Variants in ATXN1 observed in about 807,000 individuals in gnomAD.
ATXN1 encodes ataxin-1.
A neutral mutation model predicts 56.4 loss-of-function variants in ATXN1; 8 were observed. That is an observed-to-expected ratio of 0.14 (90% CI 0.08 to 0.26). ATXN1 has a LOEUF of 0.26. ATXN1 is among the 10% of genes least tolerant of loss of function. The pLI, the probability that ATXN1 is intolerant of heterozygous loss-of-function variation, is 1.00. For synonymous variants in ATXN1, 514 were observed against 494.6 expected, an observed-to-expected ratio of 1.04 and a Z score of -0.52; for missense variants, 987 against 1,106.5, an observed-to-expected ratio of 0.89 and a Z score of 1.53.
At chr6:16,740,994 C>T (rs1760321452) in intron 2 of ATXN1, among the ~76,000 whole-genome samples, 1 of 152,210 alleles carries the variant, frequency 6.6e-6, no homozygotes, top group Non-Finnish European at 1.5e-5. Context: ...TTTCATCCTA[C>T]AACTTCGGAA....
chr6:16,681,222 G>C (rs73367677), intron 2 of ATXN1, among the ~76,000 whole-genome samples: 11,172 of 152,256 alleles, frequency 0.073, 470 homozygotes, highest in Admixed American at 0.13. Flanking sequence ...GAGGACAAGG[G>C]AACAAGAATC....
At chr6:16,520,914 T>C (rs1292286264) in intron 5 of ATXN1, among the ~76,000 whole-genome samples, 6 of 152,160 alleles carry the variant, frequency 3.9e-5, no homozygotes, top group Non-Finnish European at 1.5e-5. Flanking sequence ...TGTATGTACA[T>C]AAGGAGATGA....
intron 2 of ATXN1, among the ~76,000 whole-genome samples, chr6:16,746,963 G>A (rs1760555186): frequency 6.6e-6 from 1 of 151,898 alleles, no homozygotes; most frequent in African/African-American, 2.4e-5. Context: ...GACCCAGCAA[G>A]GTACAGTGAG....
chr6:16,537,407 T>C (rs545570269), intron 4 of ATXN1, among the ~76,000 whole-genome samples: 1 of 151,870 alleles, frequency 6.6e-6, no homozygotes, highest in Admixed American at 6.6e-5. Flanking sequence ...TGGCTGCCTA[T>C]GTATTGGGAT....
chr6:16,675,418 G>A (rs1758639715), intron 2 of ATXN1, among the ~76,000 whole-genome samples: 1 of 152,078 alleles, frequency 6.6e-6, no homozygotes, highest in South Asian at 2.1e-4. Flanking sequence ...TACTCATTAG[G>A]GAATCTTCTC....
At chr6:16,601,483 C>T (rs1313300966) in intron 3 of ATXN1, among the ~76,000 whole-genome samples, 1 of 150,132 alleles carries the variant, frequency 6.7e-6, no homozygotes, top group Non-Finnish European at 1.5e-5. Flanking sequence ...TCTTCCAACA[C>T]TGCTAAAATG....
chr6:16,328,000 G>C lies in ATXN1; in HGVS notation c.311C>G (p.Ala104Gly). 6.2e-7 allele frequency: 1 copy of C among 1,613,674 alleles called. No homozygotes were observed. The highest frequency in any genetic ancestry group is 8.5e-7 in the Non-Finnish European group (1 of 1,179,786). The change falls in exon 7 of 8, where the codon GCC (alanine) becomes GGC (glycine). Residue 104 changes from alanine to glycine, a missense_variant. Ala to Gly is a moderately conservative substitution (Grantham distance 60, BLOSUM62 0). Coordinates refer to ENST00000436367, the MANE Select transcript of ATXN1 (RefSeq NM_001128164.2). ...RSVPVATTLP[A>G]AYATPQPGTP... ...CCCTGGCTGCGGGGTGGCGTACGCGGCAGGCAGCGTGGTGGCCACGGGGAC... is the reference window on the plus strand; with the variant it reads ...CCCTGGCTGCGGGGTGGCGTACGCGCCAGGCAGCGTGGTGGCCACGGGGAC...
At position 16,761,358 on chromosome 6, in the gene ATXN1, T is replaced by G; in HGVS notation, c.-790A>C. 1 of 456,014 alleles carries G rather than the reference T, an allele frequency of 2.2e-6. No homozygotes were observed. 28.2% of individuals were successfully genotyped at this position (456,014 alleles called of 1,614,324 possible). A position where few individuals can be genotyped will look rare whatever the true frequency, so the allele number is the denominator to read the frequency against. On this transcript the variant is annotated 5_prime_UTR_variant, in exon 1 of 8. Transcript: ENST00000436367. The stretch of plus-strand genomic sequence containing the variant: ...AGGGGGGGCAGAGGGAGAGAAACAA[T>G]GTCTTGCGGCTGCTGTTGCTCTGGC...
At chr6:16,686,512 G>A (rs920553784) in intron 2 of ATXN1, among the ~76,000 whole-genome samples, 13 of 39,426 alleles carry the variant, frequency 3.3e-4, no homozygotes, top group East Asian at 3.0e-3. Context: ...ACATTATGCC[G>A]AAAAGAGATA....
At chr6:16,491,283 T>TATATTA (rs57752763) in intron 5 of ATXN1, among the ~76,000 whole-genome samples, 1 of 115,388 alleles carries the variant, frequency 8.7e-6, no homozygotes. Flanking sequence ...TATTATTTTT[T>TATATTA]TTTTTTTTTT....
At chr6:16,471,630 T>C (rs1052972892) in intron 6 of ATXN1, among the ~76,000 whole-genome samples, 1 of 152,144 alleles carries the variant, frequency 6.6e-6, no homozygotes, top group Non-Finnish European at 1.5e-5. Flanking sequence ...CGCACCTCTC[T>C]GTAGCTGGGC....
At chr6:16,601,396 G>C (rs1208287371) in intron 3 of ATXN1, among the ~76,000 whole-genome samples, 1 of 152,194 alleles carries the variant, frequency 6.6e-6, no homozygotes, top group East Asian at 1.9e-4. Context: ...TATAACAATA[G>C]TAAGGAAGAA....
chr6:16,311,573 G>C (rs999735383), intron 7 of ATXN1, among the ~76,000 whole-genome samples: 1 of 152,086 alleles, frequency 6.6e-6, no homozygotes, highest in Non-Finnish European at 1.5e-5. Context: ...GACACTATTT[G>C]GTTTCAAAAC....
At chr6:16,321,291 T>C (rs977565259) in intron 7 of ATXN1, among the ~76,000 whole-genome samples, 2 of 152,082 alleles carry the variant, frequency 1.3e-5, no homozygotes, top group African/African-American at 4.8e-5. Context: ...GCCTCAAACT[T>C]GGAGGATATT....
chr6:16,679,372 G>GTGGATGGA (rs10618388), intron 2 of ATXN1, among the ~76,000 whole-genome samples: 200 of 144,256 alleles, frequency 1.4e-3, no homozygotes, highest in Middle Eastern at 0.01. Context: ...AGGTGGGTGG[G>GTGGATGGA]TGGATGGATG....
chr6:16,565,475 C>T (rs990266102), intron 4 of ATXN1, among the ~76,000 whole-genome samples: 1 of 152,056 alleles, frequency 6.6e-6, no homozygotes, highest in African/African-American at 2.4e-5. Flanking sequence ...GGAAATCAAC[C>T]TTCTCCATAA....
At chr6:16,400,901 C>A (rs1758554043) in intron 6 of ATXN1, among the ~76,000 whole-genome samples, 1 of 152,134 alleles carries the variant, frequency 6.6e-6, no homozygotes, top group Admixed American at 6.5e-5. Context: ...GTCTGAGAAC[C>A]AGGGCCAATC....
intron 7 of ATXN1, among the ~76,000 whole-genome samples, chr6:16,323,773 T>C (rs1760739338): frequency 6.6e-6 from 1 of 152,126 alleles, no homozygotes; most frequent in Admixed American, 6.5e-5. Context: ...ATGTTTATTT[T>C]CCATGTGTCA....
chr6:16,402,789 GA>G (rs1212814623), intron 6 of ATXN1, among the ~76,000 whole-genome samples: 2 of 152,218 alleles, frequency 1.3e-5, no homozygotes, highest in African/African-American at 4.8e-5. Flanking sequence ...CACTGTTGCA[GA>G]AAAGGCCAGA....
Sources: allele counts gnomAD v4.1 joint callset (sites outside exome capture counted in the v4.1 genomes callset), GRCh38; gene constraint gnomAD v4.1.1; transcripts MANE v1.5; gene names NCBI Gene and HGNC (gene_info 2026-07-23, HGNC 2026-07-21).